The following CBFA2T2 variants were observed in gnomAD, a reference collection of about 807,000 sequenced individuals.
CBFA2T2 encodes the protein CBFA2/RUNX1 partner transcriptional co-repressor 2.
Under a neutral mutation model 62.2 loss-of-function variants are expected in CBFA2T2, and 11 were observed. The ratio of observed to expected loss-of-function variants is 0.18; its 90% CI spans 0.11 to 0.29. The LOEUF is 0.29. Among genes scored for constraint, CBFA2T2 ranks in the 10% least tolerant of loss-of-function variants. CBFA2T2 has a pLI of 1.00. For synonymous variants in CBFA2T2, 295 were observed against 287.5 expected, an observed-to-expected ratio of 1.03 and a Z score of -0.27; for missense variants, 592 against 774.1, an observed-to-expected ratio of 0.76 and a Z score of 2.79.
intron 2 of CBFA2T2, 106 bp downstream of exon 2, chr20:33,607,205 A>G: frequency 9.8e-7 from 1 of 1,023,630 alleles, no homozygotes; most frequent in Middle Eastern, 2.3e-4. Context: ...TTTTCAAAGT[A>G]CTATTGAAAA....
intron 4 of CBFA2T2, among the ~76,000 whole-genome samples, chr20:33,620,381 T>A (rs189002101): frequency 1.3e-5 from 2 of 151,650 alleles, no homozygotes; most frequent in Non-Finnish European, 2.9e-5. Flanking sequence ...GCCAGGCGCT[T>A]GTAGTCCCAG....
At chr20:33,544,847 T>C (rs1164468753) in intron 1 of CBFA2T2, among the ~76,000 whole-genome samples, 1 of 152,102 alleles carries the variant, frequency 6.6e-6, no homozygotes, top group Non-Finnish European at 1.5e-5. Flanking sequence ...GCCCGGCCTA[T>C]GTGGTTTATT....
intron 8 of CBFA2T2, among the ~76,000 whole-genome samples, chr20:33,636,172 T>C (rs1274584477): frequency 6.9e-6 from 1 of 144,128 alleles, no homozygotes; most frequent in African/African-American, 2.6e-5. Flanking sequence ...GGTAGGAGAA[T>C]CACTTGAACC....
chr20:33,492,462 T>TTTTG (rs2011154461), intron 1 of CBFA2T2, among the ~76,000 whole-genome samples: 1 of 151,588 alleles, frequency 6.6e-6, no homozygotes, highest in East Asian at 1.9e-4. Flanking sequence ...GTATTTAGTT[T>TTTTG]AAAATATGCC....
intron 1 of CBFA2T2, among the ~76,000 whole-genome samples, chr20:33,533,844 G>A (rs560736986): frequency 5.3e-4 from 80 of 152,216 alleles, no homozygotes; most frequent in Non-Finnish European, 1.0e-3. Context: ...GCATGGTGGT[G>A]TGTGCCTGTA....
At chr20:33,582,023 A>C (rs2014140459) in intron 1 of CBFA2T2, among the ~76,000 whole-genome samples, 1 of 152,196 alleles carries the variant, frequency 6.6e-6, no homozygotes, top group Non-Finnish European at 1.5e-5. Context: ...TGTACTTATA[A>C]GATTCAGCTA....
intron 1 of CBFA2T2, among the ~76,000 whole-genome samples, chr20:33,596,832 C>A (rs2146932337): frequency 6.6e-6 from 1 of 152,084 alleles, no homozygotes; most frequent in South Asian, 2.1e-4. Context: ...CCCCATTTTC[C>A]TTTACCAGTT....
chr20:33,616,536 G>A (rs1010868138), intron 3 of CBFA2T2, among the ~76,000 whole-genome samples: 10 of 152,064 alleles, frequency 6.6e-5, no homozygotes, highest in African/African-American at 2.4e-4. Context: ...AGATCAGCCT[G>A]GTCAACATGG....
intron 2 of CBFA2T2, 56 bp downstream of exon 2, chr20:33,607,155 G>A: frequency 6.4e-7 from 1 of 1,559,196 alleles, no homozygotes; most frequent in Non-Finnish European, 8.8e-7. Flanking sequence ...GGATCTAAGT[G>A]ACTGACTTGT....
rs570551355 is a variant in CBFA2T2, at chr20:33,587,428, G to A, written c.35-19528G>A. On this transcript the variant is annotated intron_variant, in intron 1 of 10. Coordinates refer to ENST00000342704, the MANE Select transcript of CBFA2T2 (RefSeq NM_001032999.3). The stretch of plus-strand genomic sequence containing the variant: ...ACTACAGGCGCCTGCCACAACGCCC[G>A]GCTAATTTTTCATGTTTTTGGTAGA... Among the ~76,000 whole-genome samples, 64 of 151,794 alleles carry A rather than the reference G, an allele frequency of 4.2e-4. No individual in the cohort carries two copies. The South Asian group carries it at 0.012, about 28-fold the overall frequency.
chr20:33,580,658 C>T (rs2014071082), intron 1 of CBFA2T2, among the ~76,000 whole-genome samples: 1 of 152,112 alleles, frequency 6.6e-6, no homozygotes, highest in Non-Finnish European at 1.5e-5. Flanking sequence ...CGAGACCAGC[C>T]TGTGCAGTGT....
At chr20:33,640,652 T>A in intron 10 of CBFA2T2, 121 bp downstream of exon 10, 1 of 841,292 alleles carries the variant, frequency 1.2e-6, no homozygotes, top group Non-Finnish European at 1.8e-6. Flanking sequence ...ATGAGGATAA[T>A]TTTTATCCAG....
intron 1 of CBFA2T2, among the ~76,000 whole-genome samples, chr20:33,560,263 G>A (rs209672): frequency 0.1 from 15,764 of 152,122 alleles, 2,198 homozygotes; most frequent in African/African-American, 0.3. Context: ...CATGGTAGCT[G>A]GCTTCCTTGA....
At chr20:33,545,752 TC>T (rs2146881319) in intron 1 of CBFA2T2, among the ~76,000 whole-genome samples, 1 of 152,362 alleles carries the variant, frequency 6.6e-6, no homozygotes, top group East Asian at 1.9e-4. Context: ...TCAGACTTTT[TC>T]TTATCTTTTT....
Position 33,620,525 on chromosome 20 carries a change from A to G in CBFA2T2, c.510+919A>G, listed in dbSNP as rs570997109. 1.2e-4 allele frequency among the ~76,000 whole-genome samples: 18 copies of G among 151,202 alleles called. No homozygotes were observed. The South Asian group carries it at 3.8e-3, about 32-fold the overall frequency. On this transcript the variant is annotated intron_variant, in intron 4 of 10. Transcript: ENST00000342704. ...TCTCAAAAATAAAATAAAATAAAGAATAAAAAAAGAAATATTTAAGAGTAA... is the reference window on the plus strand; with the variant it reads ...TCTCAAAAATAAAATAAAATAAAGAGTAAAAAAAGAAATATTTAAGAGTAA...
chr20:33,542,103 C>T (rs1191913371), intron 1 of CBFA2T2, among the ~76,000 whole-genome samples: 1 of 152,166 alleles, frequency 6.6e-6, no homozygotes, highest in Non-Finnish European at 1.5e-5. Flanking sequence ...AGTTTGGATT[C>T]CTGGACCCCC....
chr20:33,644,466 G>A lies in CBFA2T2; in HGVS notation c.1608G>A (p.Gln536=). The A allele has an allele frequency of 6.2e-7, 1 of 1,614,244 alleles. No homozygotes were observed. The highest frequency in any genetic ancestry group is 8.5e-7 in the Non-Finnish European group (1 of 1,180,050). The change falls in exon 11 of 11, where the codon CAG becomes CAA. Residue 536 remains glutamine, a synonymous_variant. Transcript: ENST00000342704. ...AGCGGCACCACCGCCTCTGTGGTCA[G>A]AACCTGCATGGCCAGAGCCCCCACG... ...DWERHHRLCG[Q]NLHGQSPHGQ...
At chr20:33,597,932 G>T (rs1051438503) in intron 1 of CBFA2T2, among the ~76,000 whole-genome samples, 1 of 152,194 alleles carries the variant, frequency 6.6e-6, no homozygotes, top group Non-Finnish European at 1.5e-5. Context: ...ACAAAAGAGA[G>T]AAATTTTAAA....
chr20:33,628,285 T>C, intron 6 of CBFA2T2, 65 bp from the exon 7 acceptor site: 1 of 1,024,854 alleles, frequency 9.8e-7, no homozygotes, highest in Non-Finnish European at 1.6e-6. Context: ...TGTATTTACT[T>C]GGTAGAATTT....
Sources: gnomAD v4.1 joint callset for allele counts (sites outside exome capture counted in the v4.1 genomes callset) on GRCh38, gnomAD v4.1.1 for gene constraint, MANE v1.5 for transcripts, NCBI Gene and HGNC (gene_info 2026-07-23, HGNC 2026-07-21) for gene names.